The following FLT3 variants were observed in gnomAD, a reference collection of about 807,000 sequenced individuals.
The protein encoded by FLT3 is fms related receptor tyrosine kinase 3.
A neutral mutation model predicts 126.6 loss-of-function variants in FLT3; 46 were observed. The ratio of observed to expected loss-of-function variants is 0.36; its 90% CI spans 0.29 to 0.46. The LOEUF (loss-of-function observed/expected upper bound fraction) is 0.46, where lower values mean the gene tolerates loss of function less well. Among genes scored for constraint, FLT3 ranks in the 20% least tolerant of loss-of-function variants. The pLI is 1.00. For synonymous variants in FLT3, 404 were observed against 434.4 expected (o/e 0.93, Z 0.87); for missense variants, 1,069 against 1,190.3 (o/e 0.90, Z 1.50).
At chr13:28,096,774 C>T (rs752787100) in intron 1 of FLT3, among the ~76,000 whole-genome samples, 2 of 152,080 alleles carry the variant, frequency 1.3e-5, no homozygotes, top group East Asian at 3.9e-4. Context: ...ATCATAATAA[C>T]TGTGTTGGAA....
Position 28,037,193 on chromosome 13 carries a change from T to G in FLT3, c.1301A>C (p.Asn434Thr), listed in dbSNP as rs145857550. The change falls in exon 10 of 24, where the codon AAT becomes ACT. Residue 434 changes from asparagine to threonine, a missense_variant. Asn to Thr is a moderately conservative substitution (Grantham distance 65). Coordinates refer to ENST00000241453, the MANE Select transcript of FLT3 (RefSeq NM_004119.3). The part of the protein sequence containing the change: ...DAQFTKMFTL[N>T]IRRKPQVLAE... ...TCGGCAATTTAACTTACTTCTTATATTCAGCGTGAACATTTTGGTAAATTG... is the reference window on the plus strand; with the variant it reads ...TCGGCAATTTAACTTACTTCTTATAGTCAGCGTGAACATTTTGGTAAATTG... The G allele has an allele frequency of 3.2e-6, 5 of 1,554,660 alleles. No individual in the cohort carries two copies. The South Asian group carries it at 5.6e-5, about 17-fold the overall frequency.
chr13:28,017,249 G>T (rs1211647154), intron 20 of FLT3, among the ~76,000 whole-genome samples: 2 of 151,960 alleles, frequency 1.3e-5, no homozygotes, highest in Non-Finnish European at 2.9e-5. Flanking sequence ...AAAAAAAAGG[G>T]TCTCATTCTG....
Position 28,026,111 on chromosome 13 carries a change from G to A in FLT3, c.2207+977C>T, listed in dbSNP as rs952443995. Among the ~76,000 whole-genome samples the A allele has an allele frequency of 9.2e-5, 14 of 152,028 alleles. 1 individual carries two copies. The highest frequency in any genetic ancestry group is 2.6e-4 in the Admixed American group (4 of 15,268). ...CATGCCTATAATTCCAGCACTTTGCGGGGCCTAGGTGGGTGGATCAACTGA... is the reference window on the plus strand; with the variant it reads ...CATGCCTATAATTCCAGCACTTTGCAGGGCCTAGGTGGGTGGATCAACTGA... On this transcript the variant is annotated intron_variant, in intron 17 of 23. Coordinates refer to ENST00000241453, the MANE Select transcript of FLT3 (RefSeq NM_004119.3).
chr13:28,057,090 AC>A (rs1249152395), intron 4 of FLT3, among the ~76,000 whole-genome samples: 3 of 152,220 alleles, frequency 2.0e-5, no homozygotes, highest in Non-Finnish European at 4.4e-5. Context: ...GCCATCTGCT[AC>A]TGAACAGAGG....
chr13:28,075,491 G>A (rs1453022164), intron 1 of FLT3, among the ~76,000 whole-genome samples: 5 of 151,712 alleles, frequency 3.3e-5, no homozygotes, highest in Admixed American at 6.6e-5. Flanking sequence ...TTGGGAGGCC[G>A]AGGTGGGCAG....
chr13:28,017,662 G>GT (rs1555251341), intron 20 of FLT3, among the ~76,000 whole-genome samples: 5 of 131,328 alleles, frequency 3.8e-5, no homozygotes, highest in South Asian at 2.9e-4. Flanking sequence ...TTTTTTTGTT[G>GT]TTGTTTTTTT....
At chr13:28,098,314 C>CAAAAAAAAAAAAAAAAAA (rs55675449) in intron 1 of FLT3, among the ~76,000 whole-genome samples, 40 of 85,292 alleles carry the variant, frequency 4.7e-4, no homozygotes, top group African/African-American at 1.5e-3. Flanking sequence ...GACTCCGTCT[C>CAAAAAAAAAAAAAAAAAA]AAAAAAAAAA....
At chr13:28,015,928 C>T (rs1010702373) in intron 20 of FLT3, among the ~76,000 whole-genome samples, 1 of 152,080 alleles carries the variant, frequency 6.6e-6, no homozygotes, top group Non-Finnish European at 1.5e-5. Flanking sequence ...CGAACAAAGG[C>T]TTGTGCTTGG....
Position 28,061,938 on chromosome 13 carries a change from C to G in FLT3, c.297G>C (p.Gly99=). 1 of 1,614,014 alleles carries G rather than the reference C, an allele frequency of 6.2e-7. No individual in the cohort carries two copies. The highest frequency in any genetic ancestry group is 1.1e-5 in the South Asian group (1 of 91,062). The change falls in exon 3 of 24, where the codon GGG becomes GGC. Residue 99 remains glycine (G), a synonymous_variant. Coordinates refer to ENST00000241453, the MANE Select transcript of FLT3 (RefSeq NM_004119.3). ...ITLQVLVDAP[G]NISCLWVFKH... ...TAAAGACCCAGAGACAGGAAATGTT[C>G]CCTGGGGCGTCGACCAGCACTTGCA...
chr13:28,055,865 T>C (rs1875956454), intron 4 of FLT3, among the ~76,000 whole-genome samples: 1 of 152,060 alleles, frequency 6.6e-6, no homozygotes, highest in Non-Finnish European at 1.5e-5. Context: ...GGGGCACGTA[T>C]TTACTGTCCC....
At chr13:28,062,679 G>A (rs185633558) in intron 2 of FLT3, among the ~76,000 whole-genome samples, 8 of 144,982 alleles carry the variant, frequency 5.5e-5, no homozygotes, top group East Asian at 2.0e-4. Flanking sequence ...GGGAGGCAGC[G>A]GTTGCAGCGA....
rs754803842 is a variant in FLT3 at position 28,018,609 on chromosome 13, A to G, written c.2419-20T>C. 3.1e-6 allele frequency: 5 copies of G among 1,613,136 alleles called. No individual in the cohort carries two copies. In the South Asian group the frequency reaches 4.4e-5, roughly 14 times the overall value. On this transcript the variant is annotated intron_variant, in intron 19 of 23. Transcript: ENST00000241453. ...AACACACTGTCAAGAATGACACCAGAGTGTTATTTACTGTGATGTGTATTA... is the reference window on the plus strand; with the variant it reads ...AACACACTGTCAAGAATGACACCAGGGTGTTATTTACTGTGATGTGTATTA...
chr13:28,022,837 T>G (rs1872514036), intron 19 of FLT3, among the ~76,000 whole-genome samples: 1 of 152,102 alleles, frequency 6.6e-6, no homozygotes, highest in Non-Finnish European at 1.5e-5. Flanking sequence ...CACGGCAGGC[T>G]CCAGGGCCTT....
chr13:28,018,343 G>A, intron 20 of FLT3, 124 bp downstream of exon 20: 2 of 1,067,242 alleles, frequency 1.9e-6, no homozygotes, highest in Non-Finnish European at 2.8e-6. Flanking sequence ...TAAGCAGACT[G>A]CTGTGAGGGT....
At chr13:28,063,231 C>T (rs988370891) in intron 2 of FLT3, among the ~76,000 whole-genome samples, 1 of 152,150 alleles carries the variant, frequency 6.6e-6, no homozygotes, top group Non-Finnish European at 1.5e-5. Context: ...GTAATTCCAG[C>T]ACTTTGGGAG....
At chr13:28,077,886 G>T (rs950945199) in intron 1 of FLT3, among the ~76,000 whole-genome samples, 1 of 152,098 alleles carries the variant, frequency 6.6e-6, no homozygotes, top group Non-Finnish European at 1.5e-5. Flanking sequence ...AAAACAAAGG[G>T]GTTACAGGGC....
intron 2 of FLT3, chr13:28,067,966 A>G: frequency 3.2e-6 from 1 of 315,222 alleles, no homozygotes; most frequent in Non-Finnish European, 6.2e-6. Flanking sequence ...GGTCAACTCC[A>G]GTAACTTCAG....
intron 15 of FLT3, among the ~76,000 whole-genome samples, chr13:28,033,586 C>T (rs1322384370): frequency 6.6e-6 from 1 of 152,092 alleles, no homozygotes; most frequent in Non-Finnish European, 1.5e-5. Context: ...GTGGAGGCTG[C>T]AGTGAGCCAT....
chr13:28,079,741 G>A (rs1158706251), intron 1 of FLT3, among the ~76,000 whole-genome samples: 1 of 152,090 alleles, frequency 6.6e-6, no homozygotes, highest in Non-Finnish European at 1.5e-5. Flanking sequence ...CTAGCACAAG[G>A]ATAGCACGGG....
Sources: gnomAD v4.1 joint callset for allele counts (sites outside exome capture counted in the v4.1 genomes callset) on GRCh38, gnomAD v4.1.1 for gene constraint, MANE v1.5 for transcripts, NCBI Gene and HGNC (gene_info 2026-07-23, HGNC 2026-07-21) for gene names.